The following SHISA9 variants were observed in gnomAD, a reference collection of about 807,000 sequenced individuals.
SHISA9 encodes the protein protein shisa-9.
A neutral mutation model predicts 38.0 loss-of-function variants in SHISA9; 13 were observed. The ratio of observed to expected loss-of-function variants is 0.34; its 90% confidence interval spans 0.22 to 0.54. SHISA9 has a LOEUF of 0.54. Among genes scored for constraint, SHISA9 ranks in the 20% least tolerant of loss-of-function variants. The probability of loss-of-function intolerance (pLI) is 0.91; values close to 1 mark genes in which losing one functional copy is unlikely to be tolerated. For synonymous variants in SHISA9, 275 were observed against 242.0 expected, an observed-to-expected ratio of 1.14 and a Z score of -1.27; for missense variants, 538 against 575.8, an observed-to-expected ratio of 0.93 and a Z score of 0.67.
At chr16:13,540,818 C>A in the SHISA9 span, among the ~76,000 whole-genome samples, 4 of 152,178 alleles carry the variant, frequency 2.6e-5, no homozygotes, top group African/African-American at 9.7e-5. Flanking sequence ...ATTACTGCTA[C>A]CCCCATTTTT....
At chr16:13,071,752 T>A (rs1215143133) in intron 2 of SHISA9, among the ~76,000 whole-genome samples, 1 of 151,832 alleles carries the variant, frequency 6.6e-6, no homozygotes, top group Non-Finnish European at 1.5e-5. Flanking sequence ...ATCCTCCCAT[T>A]TCAGCCTCCC....
At chr16:13,378,968 G>A in the SHISA9 span, among the ~76,000 whole-genome samples, 2 of 152,206 alleles carry the variant, frequency 1.3e-5, no homozygotes, top group Admixed American at 1.3e-4. Context: ...AACCAACGAT[G>A]TTGTTAAATA....
At chr16:13,135,005 C>A (rs771378235) in intron 2 of SHISA9, among the ~76,000 whole-genome samples, 2 of 152,142 alleles carry the variant, frequency 1.3e-5, no homozygotes, top group South Asian at 2.1e-4. Context: ...TTGGCCAATG[C>A]GAGTCACATG....
At chr16:13,132,825 C>T (rs893761094) in intron 2 of SHISA9, among the ~76,000 whole-genome samples, 1 of 152,134 alleles carries the variant, frequency 6.6e-6, no homozygotes, top group African/African-American at 2.4e-5. Flanking sequence ...AAAAAGTGAA[C>T]AAGTTGTAAG....
At chr16:13,484,418 C>T in the SHISA9 span, among the ~76,000 whole-genome samples, 7 of 152,168 alleles carry the variant, frequency 4.6e-5, no homozygotes, top group Admixed American at 3.3e-4. Flanking sequence ...AGCACCAGTA[C>T]AGGACATGGA....
the SHISA9 span, among the ~76,000 whole-genome samples, chr16:13,500,990 A>G: frequency 0.29 from 43,497 of 152,022 alleles, 6,811 homozygotes; most frequent in East Asian, 0.37. Flanking sequence ...ATAGGAGCCT[A>G]ATGTCAGTCA....
chr16:12,910,391 C>A (rs2071166391), intron 1 of SHISA9: 1 of 820,036 alleles, frequency 1.2e-6, no homozygotes, highest in Non-Finnish European at 1.5e-6. Flanking sequence ...TATGAGATAA[C>A]CATGAATAGT....
At chr16:13,143,292 G>A (rs2050418664) in intron 2 of SHISA9, among the ~76,000 whole-genome samples, 1 of 152,142 alleles carries the variant, frequency 6.6e-6, no homozygotes, top group African/African-American at 2.4e-5. Flanking sequence ...TTACAGGCAT[G>A]AGGTACCATG....
intron 3 of SHISA9, among the ~76,000 whole-genome samples, chr16:13,211,324 G>T (rs867019619): frequency 7.0e-6 from 1 of 142,668 alleles, no homozygotes; most frequent in Non-Finnish European, 1.5e-5. Flanking sequence ...AAAAAAAAAA[G>T]AAAGTAAAAA....
the SHISA9 span, among the ~76,000 whole-genome samples, chr16:13,299,226 C>T: frequency 7.2e-5 from 11 of 152,326 alleles, no homozygotes; most frequent in South Asian, 2.1e-4. Flanking sequence ...CTTTGCCAAA[C>T]ACTCATTAGC....
At chr16:13,009,819 C>T (rs1394379637) in intron 2 of SHISA9, among the ~76,000 whole-genome samples, 5 of 152,182 alleles carry the variant, frequency 3.3e-5, no homozygotes, top group African/African-American at 4.8e-5. Context: ...AGGCAATTCC[C>T]AGCTACAGCC....
the SHISA9 span, among the ~76,000 whole-genome samples, chr16:13,363,565 T>C: frequency 2.0e-5 from 3 of 152,130 alleles, no homozygotes; most frequent in African/African-American, 4.8e-5. Context: ...TGAAAAACTA[T>C]GTGCAAAGAA....
At chr16:13,367,712 G>GCACGCACACA in the SHISA9 span, among the ~76,000 whole-genome samples, 1 of 104,640 alleles carries the variant, frequency 9.6e-6, no homozygotes, top group African/African-American at 3.5e-5. Flanking sequence ...GCGCGCGCGC[G>GCACGCACACA]CACACACACA....
chr16:13,504,380 G>T, the SHISA9 span, among the ~76,000 whole-genome samples: 5 of 152,046 alleles, frequency 3.3e-5, no homozygotes, highest in Non-Finnish European at 7.4e-5. Context: ...AACCCATAAG[G>T]TCCCTGTAAA....
chr16:12,919,390 C>T (rs1391416437), intron 2 of SHISA9, among the ~76,000 whole-genome samples: 4 of 152,212 alleles, frequency 2.6e-5, no homozygotes, highest in African/African-American at 9.6e-5. Flanking sequence ...GTTTGTTCTT[C>T]ACTGAACATC....
chr16:13,152,145 C>A (rs2050505083), intron 2 of SHISA9, among the ~76,000 whole-genome samples: 1 of 152,120 alleles, frequency 6.6e-6, no homozygotes, highest in South Asian at 2.1e-4. Context: ...CTAGTTCCAA[C>A]AATGGAACTA....
At chr16:13,031,353 G>T (rs2072989017) in intron 2 of SHISA9, among the ~76,000 whole-genome samples, 1 of 152,200 alleles carries the variant, frequency 6.6e-6, no homozygotes, top group Non-Finnish European at 1.5e-5. Flanking sequence ...AGTGTATTCA[G>T]CCATTGCACC....
intron 1 of SHISA9, 53 bp from the exon 2 acceptor site, chr16:12,916,635 G>C: frequency 6.5e-7 from 1 of 1,530,546 alleles, no homozygotes; most frequent in Non-Finnish European, 8.8e-7. Flanking sequence ...GCGCATAGCA[G>C]CTGCCAGTCA....
the SHISA9 span, among the ~76,000 whole-genome samples, chr16:13,342,351 G>A: frequency 1.2e-4 from 18 of 151,962 alleles, no homozygotes; most frequent in Non-Finnish European, 2.1e-4. Flanking sequence ...GCAGTGGTGC[G>A]ATCTTGGTTC....
Sources: allele counts gnomAD v4.1 joint callset (sites outside exome capture counted in the v4.1 genomes callset), GRCh38; gene constraint gnomAD v4.1.1; transcripts MANE v1.5; gene names NCBI Gene and HGNC (gene_info 2026-07-23, HGNC 2026-07-21).